Variants in LRRC56 observed in about 807,000 individuals in gnomAD.
LRRC56 encodes the protein leucine rich repeat containing 56.
A neutral mutation model predicts 47.8 loss-of-function variants in LRRC56; 41 were observed. The observed-to-expected ratio is 0.86, with a 90% confidence interval of 0.67 to 1.11. The LOEUF is 1.11. Ranked by LOEUF, LRRC56 falls within the 50% of genes most tolerant of loss-of-function variation. The pLI is 0.00. For synonymous variants in LRRC56, 387 were observed against 311.2 expected (o/e 1.24, Z -2.56); for missense variants, 759 against 704.2 (o/e 1.08, Z -0.88).
chr11:550,836 C>G (rs1205412547), intron 8 of LRRC56, among the ~76,000 whole-genome samples: 4 of 152,174 alleles, frequency 2.6e-5, no homozygotes, highest in African/African-American at 7.2e-5. Flanking sequence ...AGCTACTGCT[C>G]CGTGGGCCAG....
intron 1 of LRRC56, among the ~76,000 whole-genome samples, chr11:537,832 A>G (rs184968795): frequency 8.5e-5 from 13 of 152,296 alleles, no homozygotes; most frequent in African/African-American, 2.9e-4. Context: ...AGGGGCCCCA[A>G]GCCCTGCCCC....
intron 6 of LRRC56, among the ~76,000 whole-genome samples, chr11:546,881 T>C (rs1447343187): frequency 6.6e-6 from 1 of 151,406 alleles, no homozygotes; most frequent in Non-Finnish European, 1.5e-5. Flanking sequence ...TGAAAACCCA[T>C]CTCTACTAAA....
chr11:514,200 G>T, the LRRC56 span, among the ~76,000 whole-genome samples: 85 of 150,530 alleles, frequency 5.6e-4, no homozygotes, highest in African/African-American at 2.0e-3. Context: ...CACCATGTTG[G>T]CCAGGCTGGT....
the LRRC56 span, among the ~76,000 whole-genome samples, chr11:516,374 CAG>C: frequency 1.3e-5 from 2 of 151,364 alleles, no homozygotes; most frequent in Admixed American, 6.6e-5. Flanking sequence ...GCCTGAGTGA[CAG>C]AGCGAGCCTC....
In LRRC56 at chr11:551,893, T is replaced by A. The variant is rs1852414442; in HGVS notation, c.974-10T>A. The A allele has an allele frequency of 6.2e-7, 1 of 1,612,358 alleles. No individual in the cohort carries two copies. Among genetic ancestry groups the A allele is most frequent in the South Asian group, 1.1e-5 (1 of 91,076 alleles). ...CCCCGAACCAGGCCCAGCCATGCTG[T>A]CTCTTGCAGGTGCTGGCCAAGTCCT... On this transcript the variant is annotated splice_polypyrimidine_tract_variant and intron_variant, in intron 10 of 13. Transcript: ENST00000270115.
In LRRC56 at chr11:553,763, AGAGGTGGGCCCGCCCATGC is replaced by A. The variant is rs555620953; in HGVS notation, c.1316-196_1316-178del. 1.2e-4 allele frequency among the ~76,000 whole-genome samples: 19 copies of A among 152,308 alleles called. No individual in the cohort carries two copies. The South Asian group carries it at 3.9e-3, about 32-fold the overall frequency. The stretch of plus-strand genomic sequence containing the variant: ...GCTTCGTGGCCTCCTTGCCTGCCCC[AGAGGTGGGCCCGCCCATGC>A]GAGTCAGGGGTCACAGGGCTGGGAA... On this transcript the variant is annotated intron_variant, in intron 13 of 13. Transcript: ENST00000270115.
At chr11:537,954 G>A (rs1303179553) in intron 1 of LRRC56, among the ~76,000 whole-genome samples, 4 of 152,208 alleles carry the variant, frequency 2.6e-5, no homozygotes, top group Non-Finnish European at 5.9e-5. Flanking sequence ...GAGGGCAGCA[G>A]GGGACCCAGA....
intron 6 of LRRC56, among the ~76,000 whole-genome samples, chr11:546,159 G>A (rs1416191924): frequency 4.6e-5 from 7 of 152,124 alleles, no homozygotes; most frequent in Admixed American, 1.3e-4. Flanking sequence ...AACCCCAGCT[G>A]CTCAGGAGGC....
chr11:551,104 TCCCTCC>T lies in LRRC56; in HGVS notation c.625-10_625-5del, dbSNP rs577182014. Reference sequence around the variant, plus strand: ...GGAAACACTGGACCCAGACCTGCCCTCCCTCCCCCTCCCCCTCCCCCTGCAGGTGCC... The same window carrying T: ...GGAAACACTGGACCCAGACCTGCCCTCCCTCCCCCTCCCCCTGCAGGTGCC... On this transcript the variant is annotated intron_variant, in intron 8 of 13. Coordinates refer to ENST00000270115, the MANE Select transcript of LRRC56 (RefSeq NM_198075.4). The T allele has an allele frequency of 1.7e-3, 1,481 of 872,436 alleles. 26 individuals are homozygous for T. The highest frequency in any genetic ancestry group is 0.014 in the South Asian group (773 of 57,092). 54.0% of individuals were successfully genotyped at this position (872,436 alleles called of 1,614,324 possible). A position where few individuals can be genotyped will look rare whatever the true frequency, so the allele number is the denominator to read the frequency against.
At chr11:532,857 C>T, upstream of LRRC56, 1 of 1,166,434 alleles carries the variant, frequency 8.6e-7, no homozygotes, top group Non-Finnish European at 1.2e-6. Flanking sequence ...CCCGAAGCTC[C>T]CGACTCCACC....
At chr11:515,614 G>A in the LRRC56 span, among the ~76,000 whole-genome samples, 1 of 152,168 alleles carries the variant, frequency 6.6e-6, no homozygotes, top group Admixed American at 6.5e-5. Context: ...AAGGCGGGTG[G>A]ATCACCAGAG....
chr11:544,695 A>T, intron 5 of LRRC56, 25 bp from the exon 6 acceptor site: 1 of 1,611,566 alleles, frequency 6.2e-7, no homozygotes, highest in Non-Finnish European at 8.5e-7. Flanking sequence ...GGCCGGGCCA[A>T]CCTCCTCCTC....
At chr11:525,076 C>G in the LRRC56 span, among the ~76,000 whole-genome samples, 1 of 134,086 alleles carries the variant, frequency 7.5e-6, no homozygotes, top group African/African-American at 2.9e-5. Flanking sequence ...AGCCTGGAGA[C>G]AAAGCAAGAC....
the LRRC56 span, chr11:506,468 G>C: frequency 6.6e-6 from 1 of 152,234 alleles, no homozygotes; most frequent in African/African-American, 2.4e-5. Flanking sequence ...TGCCATTCCA[G>C]TTATGTTGCT....
At chr11:551,460 G>A (rs535716884) in intron 9 of LRRC56, among the ~76,000 whole-genome samples, 158 bp downstream of exon 9, 1 of 152,368 alleles carries the variant, frequency 6.6e-6, no homozygotes, top group East Asian at 1.9e-4. Flanking sequence ...CCCCAGGCCA[G>A]GACACTGTCT....
chr11:519,027 G>A, the LRRC56 span, among the ~76,000 whole-genome samples: 1 of 151,518 alleles, frequency 6.6e-6, no homozygotes, highest in Non-Finnish European at 1.5e-5. Context: ...AGGCTTCTCC[G>A]AAAGCCGCGA....
chr11:548,979 C>A lies in LRRC56; in HGVS notation c.327-923C>A, dbSNP rs114205001. Among the ~76,000 whole-genome samples, 544 of 152,206 alleles carry A rather than the reference C, an allele frequency of 3.6e-3. 5 individuals carry two copies. Among genetic ancestry groups the A allele is most frequent in the African/African-American group, 0.013 (520 of 41,530 alleles). ...TGAAGAAATCACTAGACACAAATCC[C>A]AGCCAATTCAGAGCGGAGTGGAAAA... On this transcript the variant is annotated intron_variant, in intron 6 of 13. Transcript: ENST00000270115.
chr11:535,087 C>T (rs1223324985), upstream of LRRC56, among the ~76,000 whole-genome samples: 3 of 151,990 alleles, frequency 2.0e-5, no homozygotes, highest in African/African-American at 7.2e-5. Context: ...GCCGTGGCCG[C>T]GGCCGCCTCC....
chr11:545,283 C>T (rs887111330), intron 6 of LRRC56, among the ~76,000 whole-genome samples: 2 of 152,224 alleles, frequency 1.3e-5, no homozygotes, highest in Non-Finnish European at 2.9e-5. Context: ...AGAGCTCCCA[C>T]CTTGAGGTGT....
Sources: gnomAD v4.1 joint callset for allele counts (sites outside exome capture counted in the v4.1 genomes callset) on GRCh38, gnomAD v4.1.1 for gene constraint, MANE v1.5 for transcripts, NCBI Gene and HGNC (gene_info 2026-07-23, HGNC 2026-07-21) for gene names.